Variants in FRMD4B observed in about 807,000 individuals in gnomAD.
The protein encoded by FRMD4B is FERM domain containing 4B.
Under a neutral mutation model 141.5 loss-of-function variants are expected in FRMD4B, and 74 were observed. That is an observed-to-expected ratio of 0.52 (90% CI 0.43 to 0.63). The LOEUF is 0.63. Among genes scored for constraint, FRMD4B ranks in the 30% least tolerant of loss-of-function variants. FRMD4B has a pLI of 0.00. For missense variants in FRMD4B, 1,366 were observed against 1,253.4 expected (o/e 1.09, Z -1.36); for synonymous variants, 506 against 467.9 (o/e 1.08, Z -1.05).
At chr3:69,226,356 C>G (rs971363846) in intron 7 of FRMD4B, among the ~76,000 whole-genome samples, 1 of 151,938 alleles carries the variant, frequency 6.6e-6, no homozygotes. Context: ...TAAAGGTCAA[C>G]TGTCAACTCC....
intron 5 of FRMD4B, among the ~76,000 whole-genome samples, chr3:69,256,793 A>T (rs1575663571): frequency 6.6e-6 from 1 of 152,132 alleles, no homozygotes; most frequent in Non-Finnish European, 1.5e-5. Flanking sequence ...CATAGCTACT[A>T]CATTTGCACC....
At position 69,362,700 on chromosome 3, in the gene FRMD4B, ACCCC is replaced by A. The variant is rs71115686; in HGVS notation, c.162+23124_162+23127del. On this transcript the variant is annotated intron_variant, in intron 1 of 22. Coordinates refer to ENST00000398540, the MANE Select transcript of FRMD4B (RefSeq NM_015123.3). Reference sequence around the variant, plus strand: ...TCAAAACAACAACAACAAAAAGCCAACCCCCCCCCCAAAAAAACAAACAAAAAAC... The same window carrying A: ...TCAAAACAACAACAACAAAAAGCCAACCCCCCAAAAAAACAAACAAAAAAC... Among the ~76,000 whole-genome samples the A allele has an allele frequency of 3.4e-4, 49 of 142,804 alleles. No individual in the cohort carries two copies. In the South Asian group the frequency reaches 9.2e-3, roughly 27 times the overall value. 93.7% of individuals were successfully genotyped at this position (142,804 alleles called of 152,430 possible).
intron 1 of FRMD4B, among the ~76,000 whole-genome samples, chr3:69,467,787 G>A (rs754488901): frequency 1.3e-5 from 2 of 152,054 alleles, no homozygotes; most frequent in Admixed American, 6.5e-5. Flanking sequence ...GTTTAGGTAC[G>A]GGTACAGAAT....
upstream of FRMD4B, among the ~76,000 whole-genome samples, chr3:69,388,927 G>A (rs1024522206): frequency 2.0e-5 from 3 of 151,906 alleles, no homozygotes; most frequent in South Asian, 2.1e-4. Flanking sequence ...GGCTTTGAGT[G>A]TAGCCATCAC....
chr3:69,468,259 T>A (rs1705827149), intron 1 of FRMD4B, among the ~76,000 whole-genome samples: 1 of 152,156 alleles, frequency 6.6e-6, no homozygotes, highest in Non-Finnish European at 1.5e-5. Context: ...AATTCATGAA[T>A]AGTCTTGTTC....
At chr3:69,222,507 C>T (rs1165227629) in intron 8 of FRMD4B, among the ~76,000 whole-genome samples, 1 of 148,328 alleles carries the variant, frequency 6.7e-6, no homozygotes, top group African/African-American at 2.5e-5. Flanking sequence ...CGCAGTGGCT[C>T]ATACCTGTAT....
chr3:69,330,369 C>T (rs1428549742), intron 1 of FRMD4B, among the ~76,000 whole-genome samples: 20 of 78,212 alleles, frequency 2.6e-4, no homozygotes, highest in African/African-American at 8.9e-4. Context: ...TTTTTTGAGA[C>T]GGAGTCTTAC....
intron 3 of FRMD4B, chr3:69,310,575 CACACACAGAGAGAG>C (rs974529381): frequency 7.0e-5 from 18 of 256,028 alleles, no homozygotes; most frequent in Admixed American, 4.6e-4. Context: ...CACACACACA[CACACACAGAGAGAG>C]AGAGAGAGAG....
intron 2 of FRMD4B, among the ~76,000 whole-genome samples, chr3:69,425,285 C>T (rs1465802154): frequency 6.6e-6 from 1 of 152,098 alleles, no homozygotes; most frequent in Non-Finnish European, 1.5e-5. Flanking sequence ...CCATAAGAAA[C>T]GTGCATGGAG....
At chr3:69,512,464 A>C (rs916078991) in intron 1 of FRMD4B, among the ~76,000 whole-genome samples, 13 of 152,274 alleles carry the variant, frequency 8.5e-5, no homozygotes, top group African/African-American at 3.1e-4. Flanking sequence ...AATTGAAATA[A>C]ATCTGTATTT....
chr3:69,201,244 C>A (rs564286217), intron 11 of FRMD4B, among the ~76,000 whole-genome samples: 3 of 151,664 alleles, frequency 2.0e-5, no homozygotes, highest in Admixed American at 6.6e-5. Context: ...TGGAATGATA[C>A]AAAATTCAGT....
chr3:69,519,803 C>T lies in FRMD4B; in HGVS notation c.-129+22403G>A, dbSNP rs1700822220. On this transcript the variant is annotated intron_variant, in intron 1 of 5. Transcript: ENST00000459638. Reference sequence around the variant, plus strand: ...TATCCCTCACCCCCTCCCATCTTTTCCCGAGTCCCCAAAGTCTACCGTATA... The same window carrying T: ...TATCCCTCACCCCCTCCCATCTTTTTCCGAGTCCCCAAAGTCTACCGTATA... Among the ~76,000 whole-genome samples the T allele has an allele frequency of 2.0e-5, 3 of 151,890 alleles. No homozygotes were observed. In the South Asian group the frequency reaches 6.2e-4, roughly 32 times the overall value.
chr3:69,256,609 G>A (rs2093494653), intron 5 of FRMD4B, among the ~76,000 whole-genome samples: 1 of 152,172 alleles, frequency 6.6e-6, no homozygotes, highest in South Asian at 2.1e-4. Context: ...TGTGAGCCAT[G>A]GCCCCTGGCC....
chr3:69,186,459 C>G (rs1460181580), intron 19 of FRMD4B, among the ~76,000 whole-genome samples: 1 of 152,094 alleles, frequency 6.6e-6, no homozygotes, highest in African/African-American at 2.4e-5. Context: ...TGCCTGTAAT[C>G]CCAGCACTTT....
chr3:69,254,735 A>G (rs1048313530), intron 5 of FRMD4B, among the ~76,000 whole-genome samples: 1 of 152,044 alleles, frequency 6.6e-6, no homozygotes, highest in African/African-American at 2.4e-5. Context: ...CAGTGTAAAT[A>G]CTCCCACCAT....
At chr3:69,447,554 CTT>C (rs1024290816) in intron 1 of FRMD4B, among the ~76,000 whole-genome samples, 5 of 152,268 alleles carry the variant, frequency 3.3e-5, no homozygotes, top group African/African-American at 1.2e-4. Context: ...GAATATTTCT[CTT>C]TTTTTGAATA....
chr3:69,458,475 G>A (rs1705653327), intron 1 of FRMD4B, among the ~76,000 whole-genome samples: 2 of 152,178 alleles, frequency 1.3e-5, no homozygotes. Flanking sequence ...TTAAAGTAGA[G>A]GTTAGCCAAA....
intron 1 of FRMD4B, among the ~76,000 whole-genome samples, chr3:69,326,309 C>T (rs539021168): frequency 1.7e-4 from 26 of 152,104 alleles, no homozygotes; most frequent in South Asian, 1.0e-3. Flanking sequence ...ACAATCAACC[C>T]GCCAGTTAAA....
At chr3:69,238,259 C>T (rs2093359160) in intron 7 of FRMD4B, among the ~76,000 whole-genome samples, 1 of 152,144 alleles carries the variant, frequency 6.6e-6, no homozygotes, top group Admixed American at 6.5e-5. Context: ...TCAAAAATAC[C>T]AACCAACCAA....
Sources: allele counts gnomAD v4.1 joint callset (sites outside exome capture counted in the v4.1 genomes callset), GRCh38; gene constraint gnomAD v4.1.1; transcripts MANE v1.5; gene names NCBI Gene and HGNC (gene_info 2026-07-23, HGNC 2026-07-21).